The following COBLL1 variants were observed in gnomAD, a reference collection of about 807,000 sequenced individuals.
COBLL1 encodes cordon-bleu WH2 repeat protein like 1.
A neutral mutation model predicts 94.8 loss-of-function variants in COBLL1; 50 were observed. The ratio of observed to expected loss-of-function variants is 0.53; its 90% CI spans 0.42 to 0.67. The LOEUF (loss-of-function observed/expected upper bound fraction) is 0.67, where lower values mean the gene tolerates loss of function less well. COBLL1 is among the 30% of genes least tolerant of loss of function. The pLI, the probability that COBLL1 is intolerant of heterozygous loss-of-function variation, is 0.00. For missense variants in COBLL1, 1,362 were observed against 1,348.7 expected (o/e 1.01, Z -0.15); for synonymous variants, 448 against 473.8 (o/e 0.95, Z 0.71).
intron 2 of COBLL1, among the ~76,000 whole-genome samples, chr2:164,825,174 G>A (rs1040667039): frequency 6.6e-6 from 1 of 152,046 alleles, no homozygotes; most frequent in Non-Finnish European, 1.5e-5. Context: ...TGCATAACCA[G>A]AGTCCTGTAA....
Position 164,684,161 on chromosome 2 carries a change from G to C in COBLL1, c.*1785C>G, listed in dbSNP as rs1163028849. ...TTGTATTTCCCTGATTATCAGTGAA[G>C]AGTATTTTTTTTCCATGTTTGTTGG... On this transcript the variant is annotated 3_prime_UTR_variant, in exon 14 of 14. Coordinates refer to ENST00000652658, the MANE Select transcript of COBLL1 (RefSeq NM_001365672.2). 3 of 152,052 alleles carry C rather than the reference G, an allele frequency of 2.0e-5. No individual in the cohort carries two copies. Among genetic ancestry groups the C allele is most frequent in the Non-Finnish European group, 4.4e-5 (3 of 67,998 alleles). The allele number at this position is 152,052 out of a possible 1,614,324, so 9.4% of individuals were successfully genotyped here. A position where few individuals can be genotyped will look rare whatever the true frequency, so the allele number is the denominator to read the frequency against.
chr2:164,690,309 T>C (rs1683526093), intron 13 of COBLL1, among the ~76,000 whole-genome samples: 1 of 152,166 alleles, frequency 6.6e-6, no homozygotes, highest in Admixed American at 6.6e-5. Context: ...AAAATTAGAA[T>C]CTGGCACTAT....
intron 2 of COBLL1, among the ~76,000 whole-genome samples, chr2:164,658,145 T>C (rs1368905735): frequency 2.6e-5 from 4 of 152,086 alleles, no homozygotes; most frequent in Non-Finnish European, 5.9e-5. Context: ...CATGTGTGAG[T>C]TAAGTTGTAA....
chr2:164,781,166 C>G (rs1489241232), intron 2 of COBLL1, among the ~76,000 whole-genome samples: 1 of 152,176 alleles, frequency 6.6e-6, no homozygotes, highest in Non-Finnish European at 1.5e-5. Context: ...ACAGTGAATA[C>G]TACACAGAGA....
chr2:164,726,728 TA>T (rs1360535745), intron 5 of COBLL1, among the ~76,000 whole-genome samples: 1 of 152,132 alleles, frequency 6.6e-6, no homozygotes, highest in East Asian at 1.9e-4. Context: ...ATGATTAATA[TA>T]ACACCATTAT....
intron 2 of COBLL1, among the ~76,000 whole-genome samples, chr2:164,776,623 T>C (rs116782014): frequency 0.021 from 3,190 of 152,100 alleles, 68 homozygotes; most frequent in African/African-American, 0.054. Context: ...GCCAACCTGG[T>C]TCCCCCTCAG....
intron 5 of COBLL1, among the ~76,000 whole-genome samples, chr2:164,726,391 C>T (rs994376867): frequency 1.3e-5 from 2 of 151,850 alleles, no homozygotes; most frequent in African/African-American, 4.8e-5. Flanking sequence ...TTATTTGAGA[C>T]TTTTTCTTAA....
At chr2:164,819,810 T>G (rs1047594375) in intron 2 of COBLL1, among the ~76,000 whole-genome samples, 52 of 151,944 alleles carry the variant, frequency 3.4e-4, no homozygotes, top group Non-Finnish European at 4.6e-4. Flanking sequence ...CACTGTTTTT[T>G]TTTTGTTTTG....
At chr2:164,833,130 G>A (rs1022273503) in intron 2 of COBLL1, among the ~76,000 whole-genome samples, 1 of 152,108 alleles carries the variant, frequency 6.6e-6, no homozygotes, top group Non-Finnish European at 1.5e-5. Flanking sequence ...AGGCTGAGGC[G>A]AGTGAGGCGA....
chr2:164,720,182 A>C (rs1218539956), intron 7 of COBLL1, among the ~76,000 whole-genome samples: 1 of 152,126 alleles, frequency 6.6e-6, no homozygotes, highest in Non-Finnish European at 1.5e-5. Flanking sequence ...GGTCCTACTG[A>C]ACAATACATC....
downstream of COBLL1, among the ~76,000 whole-genome samples, chr2:164,677,235 T>C (rs1220669652): frequency 6.6e-6 from 1 of 150,882 alleles, no homozygotes; most frequent in East Asian, 1.9e-4. Context: ...GAACTTGGGC[T>C]GTTTCTTTCT....
chr2:164,678,762 A>G (rs1248336987), downstream of COBLL1, among the ~76,000 whole-genome samples: 3 of 152,190 alleles, frequency 2.0e-5, no homozygotes, highest in Non-Finnish European at 2.9e-5. Flanking sequence ...AAAAGGGACA[A>G]CTTACGTTTC....
intron 1 of COBLL1, among the ~76,000 whole-genome samples, chr2:164,671,716 T>TTATGAAGA (rs1369043775): frequency 6.6e-6 from 1 of 152,126 alleles, no homozygotes; most frequent in Non-Finnish European, 1.5e-5. Context: ...CTGAAGCACG[T>TTATGAAGA]TATGAAGATT....
intron 2 of COBLL1, among the ~76,000 whole-genome samples, chr2:164,839,231 T>C (rs1265081025): frequency 1.3e-5 from 2 of 152,214 alleles, no homozygotes; most frequent in Non-Finnish European, 2.9e-5. Context: ...TTACAAATGC[T>C]TGACAAATTA....
intron 2 of COBLL1, among the ~76,000 whole-genome samples, chr2:164,806,521 G>T (rs1176741541): frequency 2.0e-5 from 3 of 152,132 alleles, no homozygotes; most frequent in African/African-American, 7.2e-5. Context: ...AAGCTTCCTG[G>T]CTTCTTTTAT....
intron 10 of COBLL1, 35 bp from the exon 11 acceptor site, chr2:164,699,534 A>C: frequency 1.6e-6 from 2 of 1,229,806 alleles, no homozygotes; most frequent in Middle Eastern, 1.9e-4. Flanking sequence ...ATATGTTGAT[A>C]CTATTGAAAC....
chr2:164,787,701 G>C (rs1197329597), intron 2 of COBLL1, among the ~76,000 whole-genome samples: 1 of 152,022 alleles, frequency 6.6e-6, no homozygotes, highest in Non-Finnish European at 1.5e-5. Context: ...AGTACTTGAA[G>C]AAACACCAGG....
intron 5 of COBLL1, among the ~76,000 whole-genome samples, chr2:164,725,720 A>T (rs1315644355): frequency 1.3e-5 from 2 of 152,146 alleles, no homozygotes; most frequent in African/African-American, 4.8e-5. Context: ...TGCCTGGCCC[A>T]TATGGTTATT....
chr2:164,814,658 G>T (rs3769914), intron 2 of COBLL1, among the ~76,000 whole-genome samples: 2 of 151,836 alleles, frequency 1.3e-5, no homozygotes, highest in African/African-American at 4.8e-5. Flanking sequence ...TATCTCCATA[G>T]GAAGTCCTAC....
Sources: allele counts gnomAD v4.1 joint callset (sites outside exome capture counted in the v4.1 genomes callset), GRCh38; gene constraint gnomAD v4.1.1; transcripts MANE v1.5; gene names NCBI Gene and HGNC (gene_info 2026-07-23, HGNC 2026-07-21).